The following ANXA4 variants were observed in gnomAD, a reference collection of about 807,000 sequenced individuals.
ANXA4 encodes the protein annexin A4.
Under a neutral mutation model 49.8 loss-of-function variants are expected in ANXA4, and 39 were observed. The ratio of observed to expected loss-of-function variants is 0.78; its 90% CI spans 0.61 to 1.02. The LOEUF is 1.02. Ranked by LOEUF, ANXA4 falls within the 50% of genes least tolerant of loss-of-function variation. The probability of loss-of-function intolerance (pLI) is 0.00; values close to 1 mark genes in which losing one functional copy is unlikely to be tolerated. For synonymous variants in ANXA4, 134 were observed against 152.5 expected (o/e 0.88, Z 0.89); for missense variants, 360 against 410.1 (o/e 0.88, Z 1.05).
chr2:69,814,774 G>C, intron 8 of ANXA4: 1 of 98,928 alleles, frequency 1.0e-5, no homozygotes, highest in African/African-American at 8.5e-5. Context: ...GTGTGTGTGT[G>C]TGTGTGTGTG....
intron 2 of ANXA4, among the ~76,000 whole-genome samples, chr2:69,672,553 T>TTA (rs1328395847): frequency 6.6e-6 from 1 of 152,190 alleles, no homozygotes; most frequent in African/African-American, 2.4e-5. Context: ...TTAAACAATA[T>TTA]TATGTATCTA....
chr2:69,761,220 G>A (rs7608376), intron 1 of ANXA4, among the ~76,000 whole-genome samples: 1,859 of 151,868 alleles, frequency 0.012, 38 homozygotes, highest in African/African-American at 0.043. Flanking sequence ...GCTTCTTTTC[G>A]TGCTGTGTTG....
intron 1 of ANXA4, among the ~76,000 whole-genome samples, chr2:69,748,270 T>G (rs1670698725): frequency 6.6e-6 from 1 of 151,536 alleles, no homozygotes; most frequent in African/African-American, 2.4e-5. Flanking sequence ...GCCCAGCTAC[T>G]CAGGAGGCTG....
intron 1 of ANXA4, among the ~76,000 whole-genome samples, chr2:69,746,559 A>G (rs1052478743): frequency 6.6e-5 from 10 of 152,156 alleles, no homozygotes; most frequent in Admixed American, 5.9e-4. Context: ...GGAGTAATTT[A>G]TTAGTGTTTG....
chr2:69,793,250 CAAA>C (rs70954360), intron 3 of ANXA4, among the ~76,000 whole-genome samples: 1 of 128,570 alleles, frequency 7.8e-6, no homozygotes. Flanking sequence ...GACTCCATCT[CAAA>C]AAAAAAAAAG....
Position 69,780,563 on chromosome 2 carries a change from A to G in ANXA4, c.-46-957A>G, listed in dbSNP as rs116161454. Among the ~76,000 whole-genome samples the G allele has an allele frequency of 5.2e-3, 792 of 152,280 alleles. 7 individuals carry two copies. Among genetic ancestry groups the G allele is most frequent in the African/African-American group, 0.017 (693 of 41,552 alleles). On this transcript the variant is annotated intron_variant, in intron 1 of 12. Coordinates refer to ENST00000394295, the MANE Select transcript of ANXA4 (RefSeq NM_001153.5). ...CTGGTTCTAGGATGACTCTTTGAGTATCAAGGATCTAACTAAACTCTGAGA... is the reference window on the plus strand; with the variant it reads ...CTGGTTCTAGGATGACTCTTTGAGTGTCAAGGATCTAACTAAACTCTGAGA...
At chr2:69,657,262 G>A (rs1676539710) in intron 2 of ANXA4, among the ~76,000 whole-genome samples, 1 of 151,948 alleles carries the variant, frequency 6.6e-6, no homozygotes. Context: ...CAAAGTGCTA[G>A]GATTTACAAG....
intron 12 of ANXA4, 143 bp downstream of exon 12, chr2:69,820,964 T>G: frequency 1.1e-6 from 1 of 948,280 alleles, no homozygotes; most frequent in East Asian, 2.8e-5. Flanking sequence ...CAGTCTCTCC[T>G]CTTTCACACA....
At chr2:69,714,354 G>C (rs1678798847) in intron 2 of ANXA4, among the ~76,000 whole-genome samples, 1 of 146,968 alleles carries the variant, frequency 6.8e-6, no homozygotes, top group South Asian at 2.5e-4. Context: ...AGGACCAAAT[G>C]CATCCATGCA....
Position 69,774,112 on chromosome 2 carries a change from C to G in ANXA4, c.-46-7408C>G, listed in dbSNP as rs117118882. Among the ~76,000 whole-genome samples, 826 of 152,232 alleles carry G rather than the reference C, an allele frequency of 5.4e-3. 36 individuals are homozygous for G. The East Asian group carries it at 0.12, about 22-fold the overall frequency. On this transcript the variant is annotated intron_variant, in intron 1 of 12. Transcript: ENST00000394295. ...TGCTGGGATTACAGGCGTGAGCCAT[C>G]TCACCCTGCCCTATGTGTTAATAAC...
chr2:69,774,876 C>G (rs533167975), intron 1 of ANXA4, among the ~76,000 whole-genome samples: 74 of 152,268 alleles, frequency 4.9e-4, no homozygotes, highest in Middle Eastern at 3.4e-3. Flanking sequence ...GATGTTCTCT[C>G]AGGAATAACC....
chr2:69,696,980 C>G (rs1415221329), intron 2 of ANXA4, among the ~76,000 whole-genome samples: 1 of 152,080 alleles, frequency 6.6e-6, no homozygotes, highest in Non-Finnish European at 1.5e-5. Context: ...CTAGGATTTC[C>G]AGAATGGTAA....
intron 9 of ANXA4, 117 bp from the exon 10 acceptor site, chr2:69,818,482 C>G (rs1674095886): frequency 1.7e-6 from 1 of 574,262 alleles, no homozygotes; most frequent in African/African-American, 2.0e-5. Flanking sequence ...TTAGTTTCCT[C>G]CTGAAATATG....
upstream of ANXA4, among the ~76,000 whole-genome samples, chr2:69,737,411 A>G (rs566954628): frequency 6.6e-6 from 1 of 152,112 alleles, no homozygotes; most frequent in Middle Eastern, 3.2e-3. Flanking sequence ...CCAGATGTCC[A>G]AGGCTGGCTT....
intron 2 of ANXA4, among the ~76,000 whole-genome samples, chr2:69,674,957 C>CT (rs1467770998): frequency 1.4e-5 from 2 of 141,430 alleles, no homozygotes; most frequent in Non-Finnish European, 3.0e-5. Flanking sequence ...GAGTCTCGCT[C>CT]TGTCACCCAG....
intron 5 of ANXA4, 71 bp from the exon 6 acceptor site, chr2:69,807,835 A>G (rs573096505): frequency 8.7e-6 from 11 of 1,261,174 alleles, no homozygotes; most frequent in Non-Finnish European, 1.2e-5. Flanking sequence ...TGACAGATGT[A>G]TTCCTTCTGT....
chr2:69,648,550 A>G (rs11126241), intron 1 of ANXA4, among the ~76,000 whole-genome samples: 10,829 of 152,252 alleles, frequency 0.071, 1,127 homozygotes, highest in East Asian at 0.37. Context: ...TTGCCCAGGC[A>G]TGCTGGCTCA....
intron 1 of ANXA4, among the ~76,000 whole-genome samples, chr2:69,649,159 T>G (rs1446169620): frequency 2.6e-5 from 4 of 152,128 alleles, no homozygotes; most frequent in African/African-American, 9.7e-5. Context: ...GTGCTGGGAT[T>G]ACAGGTGTGA....
At chr2:69,681,555 G>C (rs902682296) in intron 2 of ANXA4, among the ~76,000 whole-genome samples, 1 of 151,904 alleles carries the variant, frequency 6.6e-6, no homozygotes, top group African/African-American at 2.4e-5. Context: ...AGTAGAAATG[G>C]GGTTTCACCA....
Sources: allele counts gnomAD v4.1 joint callset (sites outside exome capture counted in the v4.1 genomes callset), GRCh38; gene constraint gnomAD v4.1.1; transcripts MANE v1.5; gene names NCBI Gene and HGNC (gene_info 2026-07-23, HGNC 2026-07-21).